The following DGKB variants were observed in gnomAD, a reference collection of about 807,000 sequenced individuals.
DGKB encodes diacylglycerol kinase beta.
A neutral mutation model predicts 114.3 loss-of-function variants in DGKB; 67 were observed. The observed-to-expected ratio is 0.59, with a 90% confidence interval of 0.48 to 0.72. The LOEUF is 0.72. Ranked by LOEUF, DGKB falls within the 30% of genes least tolerant of loss-of-function variation. The pLI, the probability that DGKB is intolerant of heterozygous loss-of-function variation, is 0.00. For synonymous variants in DGKB, 398 were observed against 323.1 expected (o/e 1.23, Z -2.49); for missense variants, 907 against 975.2 (o/e 0.93, Z 0.93).
intron 23 of DGKB, among the ~76,000 whole-genome samples, chr7:14,264,825 G>A (rs539190470): frequency 1.3e-5 from 2 of 152,234 alleles, no homozygotes; most frequent in South Asian, 4.1e-4. Context: ...CAGAAAAGCT[G>A]CCAAATTTGG....
chr7:14,905,960 C>G (rs1177078766), upstream of DGKB, among the ~76,000 whole-genome samples: 1 of 152,168 alleles, frequency 6.6e-6, no homozygotes, highest in Non-Finnish European at 1.5e-5. Context: ...TGACTCACTT[C>G]TCAGGGTCTC....
intron 23 of DGKB, among the ~76,000 whole-genome samples, chr7:14,244,453 A>G (rs374511195): frequency 4.0e-5 from 6 of 151,804 alleles, no homozygotes; most frequent in Non-Finnish European, 4.4e-5. Context: ...TCAGGAGATC[A>G]AGATCATCCT....
chr7:14,406,031 C>A (rs935854241), intron 21 of DGKB, among the ~76,000 whole-genome samples: 2 of 151,906 alleles, frequency 1.3e-5, no homozygotes, highest in South Asian at 2.1e-4. Flanking sequence ...AGTGACCCAG[C>A]ATAACATAGA....
intron 13 of DGKB, among the ~76,000 whole-genome samples, chr7:14,662,395 G>A (rs1017439378): frequency 2.0e-5 from 3 of 151,780 alleles, no homozygotes; most frequent in African/African-American, 7.3e-5. Context: ...CATTAGGAAT[G>A]GGTTTATAGT....
At chr7:14,231,081 C>CCCTT (rs1791666422) in intron 23 of DGKB, among the ~76,000 whole-genome samples, 1 of 135,280 alleles carries the variant, frequency 7.4e-6, no homozygotes, top group East Asian at 2.3e-4. Context: ...TTTCTTCTTT[C>CCCTT]CCTTTCTTTC....
intron 2 of DGKB, among the ~76,000 whole-genome samples, chr7:14,839,745 A>G (rs1158651700): frequency 1.3e-5 from 2 of 152,206 alleles, no homozygotes; most frequent in African/African-American, 2.4e-5. Context: ...TGTGAGAACC[A>G]TAAGTTATGT....
chr7:14,238,186 G>T (rs1351174903), intron 23 of DGKB, among the ~76,000 whole-genome samples: 2 of 152,140 alleles, frequency 1.3e-5, no homozygotes, highest in Non-Finnish European at 2.9e-5. Flanking sequence ...TAATTCCCAT[G>T]TATTGAGGGA....
intron 20 of DGKB, among the ~76,000 whole-genome samples, chr7:14,569,224 G>A (rs1156411094): frequency 1.3e-5 from 2 of 152,110 alleles, no homozygotes; most frequent in Non-Finnish European, 2.9e-5. Flanking sequence ...CTTTCAGGGA[G>A]GAATGCCTCC....
chr7:14,790,737 C>G (rs1840555635), intron 2 of DGKB, among the ~76,000 whole-genome samples: 1 of 152,106 alleles, frequency 6.6e-6, no homozygotes, highest in Non-Finnish European at 1.5e-5. Context: ...ATTGGGTAGA[C>G]AAATTCCTCC....
At chr7:14,740,509 T>C (rs2128410918) in intron 4 of DGKB, among the ~76,000 whole-genome samples, 1 of 152,304 alleles carries the variant, frequency 6.6e-6, no homozygotes, top group East Asian at 1.9e-4. Flanking sequence ...ATTTGGCTTA[T>C]GACAAGGAGG....
rs1331615723 is a variant in DGKB, at chr7:14,145,333, T to A, written c.*3798A>T. On this transcript the variant is annotated 3_prime_UTR_variant, in exon 26 of 26. Coordinates refer to ENST00000402815, the MANE Select transcript of DGKB (RefSeq NM_001350709.2). The stretch of plus-strand genomic sequence containing the variant: ...TAATATATGTTACAAGGGTTTAATC[T>A]TTTAATAGAGATATTATTCAGTTAT... 1 of 152,224 alleles carries A rather than the reference T, an allele frequency of 6.6e-6. No homozygotes were observed. Among genetic ancestry groups the A allele is most frequent in the Non-Finnish European group, 1.5e-5 (1 of 68,032 alleles). The allele number at this position is 152,224 out of a possible 1,614,324, so 9.4% of individuals were successfully genotyped here.
chr7:14,456,060 A>G (rs1832242837), intron 21 of DGKB, among the ~76,000 whole-genome samples: 3 of 152,184 alleles, frequency 2.0e-5, no homozygotes, highest in South Asian at 2.1e-4. Context: ...ACGGGATGCC[A>G]CATGTGGAAA....
intron 2 of DGKB, among the ~76,000 whole-genome samples, chr7:14,762,912 C>A: frequency 6.6e-6 from 1 of 152,102 alleles, no homozygotes; most frequent in East Asian, 1.9e-4. Flanking sequence ...CCCAATAAAT[C>A]CTTGTTCCTT....
intron 13 of DGKB, among the ~76,000 whole-genome samples, chr7:14,666,326 A>G (rs1431831611): frequency 6.6e-6 from 1 of 152,052 alleles, no homozygotes; most frequent in Non-Finnish European, 1.5e-5. Context: ...ATTTAATTTA[A>G]GAGAAACTGA....
chr7:14,160,175 A>T (rs746990611), intron 25 of DGKB, among the ~76,000 whole-genome samples: 1 of 152,202 alleles, frequency 6.6e-6, no homozygotes, highest in Admixed American at 6.5e-5. Flanking sequence ...ATCATACTGA[A>T]TGGGCAAAAG....
chr7:14,529,513 C>G (rs555932648), intron 20 of DGKB, among the ~76,000 whole-genome samples: 1 of 151,590 alleles, frequency 6.6e-6, no homozygotes, highest in South Asian at 2.1e-4. Flanking sequence ...ATATTTTGTA[C>G]ATAATAAAGG....
intron 13 of DGKB, among the ~76,000 whole-genome samples, chr7:14,658,604 G>A (rs1487035603): frequency 1.3e-5 from 2 of 151,738 alleles, no homozygotes; most frequent in African/African-American, 2.4e-5. Flanking sequence ...AAATACTCAA[G>A]GTGATGTATA....
chr7:14,850,968 A>G (rs1329811461), intron 1 of DGKB, among the ~76,000 whole-genome samples: 3 of 152,202 alleles, frequency 2.0e-5, no homozygotes, highest in South Asian at 2.1e-4. Flanking sequence ...TGAAAAGTAG[A>G]TAATATCTCC....
At chr7:14,925,199 G>C (rs1784688707) in intron 1 of DGKB, among the ~76,000 whole-genome samples, 1 of 152,072 alleles carries the variant, frequency 6.6e-6, no homozygotes, top group Non-Finnish European at 1.5e-5. Context: ...GTTTTTTCCA[G>C]TTTTTGCCTA....
Sources: allele counts gnomAD v4.1 joint callset (sites outside exome capture counted in the v4.1 genomes callset), GRCh38; gene constraint gnomAD v4.1.1; transcripts MANE v1.5; gene names NCBI Gene and HGNC (gene_info 2026-07-23, HGNC 2026-07-21).